The following SGCG variants were observed in gnomAD, a reference collection of about 807,000 sequenced individuals.
The protein encoded by SGCG is sarcoglycan gamma, also known as gamma-sarcoglycan.
Under a neutral mutation model 29.3 loss-of-function variants are expected in SGCG, and 26 were observed. The observed-to-expected ratio is 0.89, with a 90% CI of 0.65 to 1.23. SGCG has a LOEUF of 1.23. Ranked by LOEUF, SGCG falls within the 50% of genes most tolerant of loss-of-function variation. The pLI, the probability that SGCG is intolerant of heterozygous loss-of-function variation, is 0.00. For missense variants in SGCG, 353 were observed against 356.0 expected (o/e 0.99, Z 0.07); for synonymous variants, 145 against 129.7 (o/e 1.12, Z -0.80).
intron 1 of SGCG, among the ~76,000 whole-genome samples, chr13:23,201,695 GC>G (rs1171683927): frequency 6.6e-6 from 1 of 152,174 alleles, no homozygotes; most frequent in East Asian, 1.9e-4. Context: ...CTGATAATTT[GC>G]TACAGCAACA....
chr13:23,185,894 A>C (rs1038124942), intron 1 of SGCG, among the ~76,000 whole-genome samples: 1 of 152,204 alleles, frequency 6.6e-6, no homozygotes, highest in Non-Finnish European at 1.5e-5. Context: ...TGGGCGTGAC[A>C]TAGCACGAGT....
At chr13:23,272,039 G>T (rs1230144006) in intron 4 of SGCG, among the ~76,000 whole-genome samples, 2 of 152,092 alleles carry the variant, frequency 1.3e-5, no homozygotes, top group African/African-American at 4.8e-5. Flanking sequence ...TTTTTTATTA[G>T]TTGAGTTACT....
chr13:23,233,834 G>A (rs1879199285), intron 2 of SGCG, among the ~76,000 whole-genome samples: 1 of 152,164 alleles, frequency 6.6e-6, no homozygotes, highest in South Asian at 2.1e-4. Flanking sequence ...TGGGTAGGGA[G>A]GACGAGCCTG....
At chr13:23,236,448 C>T (rs551201903) in intron 3 of SGCG, among the ~76,000 whole-genome samples, 92 of 152,188 alleles carry the variant, frequency 6.0e-4, no homozygotes, top group African/African-American at 1.6e-3. Context: ...GAGGCCGAGG[C>T]GGGCAGATCA....
intron 1 of SGCG, among the ~76,000 whole-genome samples, chr13:23,189,240 G>A (rs1036499502): frequency 1.3e-5 from 2 of 152,156 alleles, no homozygotes; most frequent in African/African-American, 2.4e-5. Context: ...GCAGTGGCGC[G>A]ATCTCAGCTC....
intron 7 of SGCG, among the ~76,000 whole-genome samples, chr13:23,321,734 T>C (rs1883048650): frequency 6.6e-6 from 1 of 151,830 alleles, no homozygotes; most frequent in African/African-American, 2.4e-5. Context: ...TTCCATTTAA[T>C]ATTATCCAGA....
the SGCG span, among the ~76,000 whole-genome samples, chr13:23,169,287 C>T: frequency 6.6e-6 from 1 of 151,578 alleles, no homozygotes; most frequent in Non-Finnish European, 1.5e-5. Context: ...TTTGTGTCCA[C>T]CTTCTCTCCT....
At chr13:23,270,504 T>C (rs1427370114) in intron 4 of SGCG, among the ~76,000 whole-genome samples, 2 of 152,216 alleles carry the variant, frequency 1.3e-5, no homozygotes, top group African/African-American at 4.8e-5. Context: ...ATGACTCTTT[T>C]TCCATTTTTC....
At chr13:23,208,586 A>T (rs947846026) in intron 2 of SGCG, among the ~76,000 whole-genome samples, 1 of 152,156 alleles carries the variant, frequency 6.6e-6, no homozygotes, top group Non-Finnish European at 1.5e-5. Flanking sequence ...AAAGAGCCCA[A>T]ATTACTAGTA....
chr13:23,161,570 ACTGTAAAGAAG>A, the SGCG span, among the ~76,000 whole-genome samples: 4 of 152,232 alleles, frequency 2.6e-5, no homozygotes, highest in Non-Finnish European at 5.9e-5. Flanking sequence ...ATATGAACAG[ACTGTAAAGAAG>A]CTGTAAAGAA....
intron 4 of SGCG, among the ~76,000 whole-genome samples, chr13:23,278,910 A>G (rs976326333): frequency 1.3e-5 from 2 of 152,188 alleles, no homozygotes; most frequent in Non-Finnish European, 1.5e-5. Flanking sequence ...ATGGCAGAGA[A>G]AAGTTTCAGG....
chr13:23,166,007 T>A, the SGCG span, among the ~76,000 whole-genome samples: 1 of 152,216 alleles, frequency 6.6e-6, no homozygotes, highest in Non-Finnish European at 1.5e-5. Flanking sequence ...TAGTTCTTCC[T>A]TTCTAATCTA....
intron 4 of SGCG, among the ~76,000 whole-genome samples, chr13:23,254,370 A>C (rs2137575317): frequency 6.6e-6 from 1 of 152,310 alleles, no homozygotes; most frequent in African/African-American, 2.4e-5. Context: ...CATTGTGTCC[A>C]CAACCTAGGA....
At chr13:23,206,079 A>G (rs958982361) in intron 2 of SGCG, among the ~76,000 whole-genome samples, 3 of 152,206 alleles carry the variant, frequency 2.0e-5, no homozygotes, top group Admixed American at 6.5e-5. Context: ...TGAAACAGTA[A>G]ATTGTAAATT....
chr13:23,203,987 T>C, intron 2 of SGCG, 98 bp downstream of exon 2: 1 of 910,698 alleles, frequency 1.1e-6, no homozygotes, highest in South Asian at 1.4e-5. Flanking sequence ...GTAATTAACA[T>C]TCATTTCTTT....
intron 2 of SGCG, 52 bp downstream of exon 2, chr13:23,203,941 A>G (rs749427615): frequency 1.3e-5 from 17 of 1,262,638 alleles, no homozygotes; most frequent in Non-Finnish European, 2.0e-5. Context: ...TCACTGTATC[A>G]CTTAGTCTGT....
intron 6 of SGCG, among the ~76,000 whole-genome samples, chr13:23,298,731 A>G (rs1882005949): frequency 6.6e-6 from 1 of 152,250 alleles, no homozygotes; most frequent in Non-Finnish European, 1.5e-5. Flanking sequence ...AAACACTTTT[A>G]AAGTAAATGT....
Position 23,234,595 on chromosome 13 carries a change from T to C in SGCG, c.196-16T>C, listed in dbSNP as rs370930080. 651 of 1,334,968 alleles carry C rather than the reference T, an allele frequency of 4.9e-4. No homozygotes were observed. Among genetic ancestry groups the C allele is most frequent in the Admixed American group, 8.0e-4 (42 of 52,454 alleles). The allele number at this position is 1,334,968 out of a possible 1,614,324, so 82.7% of individuals were successfully genotyped here. On this transcript the variant is annotated splice_polypyrimidine_tract_variant and intron_variant, in intron 2 of 7. Transcript: ENST00000218867. ...CAATAAAAATATACGCATTGTCTCT[T>C]TTTTTTTTTTAACAGGCAGGAATGG...
chr13:23,202,383 T>C (rs150781422), intron 1 of SGCG, among the ~76,000 whole-genome samples: 1 of 152,248 alleles, frequency 6.6e-6, no homozygotes, highest in Non-Finnish European at 1.5e-5. Flanking sequence ...TAACCTAAAC[T>C]AGTGTGGTAG....
Sources: gnomAD v4.1 joint callset for allele counts (sites outside exome capture counted in the v4.1 genomes callset) on GRCh38, gnomAD v4.1.1 for gene constraint, MANE v1.5 for transcripts, NCBI Gene and HGNC (gene_info 2026-07-23, HGNC 2026-07-21) for gene names.